The following CDYL2 variants were observed in gnomAD, a reference collection of about 807,000 sequenced individuals.
CDYL2 encodes chromodomain Y-like protein 2.
Under a neutral mutation model 49.4 loss-of-function variants are expected in CDYL2, and 23 were observed. The observed-to-expected ratio is 0.47, with a 90% CI of 0.34 to 0.66. The LOEUF is 0.66. Among genes scored for constraint, CDYL2 ranks in the 30% least tolerant of loss-of-function variants. The pLI, the probability that CDYL2 is intolerant of heterozygous loss-of-function variation, is 0.01. For missense variants in CDYL2, 678 were observed against 656.4 expected, an observed-to-expected ratio of 1.03 and a Z score of -0.36; for synonymous variants, 360 against 268.8, an observed-to-expected ratio of 1.34 and a Z score of -3.32.
rs1187490759 is a variant in CDYL2, at chr16:80,698,515, G to C, written c.25-13386C>G. ...AGCATATGTGATACGGTTTGGATCT[G>C]TGTCCTTGCCCAAATCTCATGCTGA... On this transcript the variant is annotated intron_variant, in intron 1 of 6. Coordinates refer to ENST00000570137, the MANE Select transcript of CDYL2 (RefSeq NM_152342.4). 2.6e-5 allele frequency among the ~76,000 whole-genome samples: 4 copies of C among 152,108 alleles called. No homozygotes were observed. In the East Asian group the frequency reaches 7.7e-4, roughly 29 times the overall value.
intron 3 of CDYL2, among the ~76,000 whole-genome samples, chr16:80,622,650 T>C (rs920060807): frequency 1.3e-5 from 2 of 152,138 alleles, no homozygotes; most frequent in East Asian, 1.9e-4. Context: ...AACTCCCTCA[T>C]AGCCCTTTTC....
intron 1 of CDYL2, among the ~76,000 whole-genome samples, chr16:80,724,811 G>A (rs1430997656): frequency 1.3e-5 from 2 of 152,154 alleles, no homozygotes; most frequent in Admixed American, 1.3e-4. Context: ...CTCTCACCCA[G>A]ACCTTTGTGG....
At chr16:80,727,186 C>G (rs943506023) in intron 1 of CDYL2, among the ~76,000 whole-genome samples, 1 of 152,194 alleles carries the variant, frequency 6.6e-6, no homozygotes, top group African/African-American at 2.4e-5. Context: ...TCTGAGGTAC[C>G]GGGTTCATCT....
chr16:80,780,996 C>G (rs995214838), intron 1 of CDYL2, among the ~76,000 whole-genome samples: 4 of 152,166 alleles, frequency 2.6e-5, no homozygotes, highest in African/African-American at 9.7e-5. Flanking sequence ...TATTTCATGA[C>G]CGATACTCAC....
At chr16:80,739,827 C>T (rs111951532) in intron 1 of CDYL2, among the ~76,000 whole-genome samples, 19 of 152,330 alleles carry the variant, frequency 1.2e-4, no homozygotes, top group East Asian at 7.7e-4. Flanking sequence ...AAGCCTCACA[C>T]TGGGGACCTG....
At chr16:80,639,374 CTTATAGTCACAAA>C (rs1907979787) in intron 2 of CDYL2, among the ~76,000 whole-genome samples, 1 of 152,220 alleles carries the variant, frequency 6.6e-6, no homozygotes, top group Non-Finnish European at 1.5e-5. Context: ...GATGTGAAAT[CTTATAGTCACAAA>C]ACAAAACCAA....
chr16:80,662,926 G>T (rs748871827), intron 2 of CDYL2, among the ~76,000 whole-genome samples: 39 of 151,978 alleles, frequency 2.6e-4, no homozygotes, highest in Non-Finnish European at 4.0e-4. Context: ...AGAACCAGCG[G>T]AGGCCCAGCA....
At chr16:80,727,669 G>T (rs1048507189) in intron 1 of CDYL2, among the ~76,000 whole-genome samples, 4 of 152,214 alleles carry the variant, frequency 2.6e-5, no homozygotes, top group African/African-American at 9.6e-5. Context: ...CAAAAAGACA[G>T]CAGTAACCTC....
chr16:80,789,774 G>T (rs1347557264), intron 1 of CDYL2, among the ~76,000 whole-genome samples: 1 of 152,146 alleles, frequency 6.6e-6, no homozygotes, highest in East Asian at 1.9e-4. Flanking sequence ...CATGGATAGA[G>T]CTGAAGGCCA....
chr16:80,666,034 C>T (rs747524033), intron 2 of CDYL2, among the ~76,000 whole-genome samples: 10 of 152,134 alleles, frequency 6.6e-5, no homozygotes, highest in Non-Finnish European at 1.0e-4. Flanking sequence ...CCACCTGAAG[C>T]GGAGTCTGAC....
At position 80,612,886 on chromosome 16, in the gene CDYL2, C is replaced by A. The variant is rs1425861271; in HGVS notation, c.1008-50G>T. The A allele has an allele frequency of 4.0e-6, 6 of 1,504,074 alleles. No individual in the cohort carries two copies. The allele number at this position is 1,504,074 out of a possible 1,614,324, so 93.2% of individuals were successfully genotyped here. A position where few individuals can be genotyped will look rare whatever the true frequency, so the allele number is the denominator to read the frequency against. ...GAACAGGTGACTATAGCATGCTAAG[C>A]CCCACTGGAACCCTTGACTCTCCCA... On this transcript the variant is annotated intron_variant, in intron 4 of 6. Coordinates refer to ENST00000570137, the MANE Select transcript of CDYL2 (RefSeq NM_152342.4). The surrounding 1 kb of genome is among the most constrained non-coding windows in gnomAD (Gnocchi z 5.0).
In CDYL2 at chr16:80,686,587, T is replaced by C. The variant is rs116988086; in HGVS notation, c.25-1458A>G. Among the ~76,000 whole-genome samples, 169 of 152,322 alleles carry C rather than the reference T, an allele frequency of 1.1e-3. 4 individuals are homozygous for C. In the East Asian group the frequency reaches 0.031, roughly 28 times the overall value. ...ATAATTGTTGAAAATGGGTAATGAA[T>C]ACATGGGGTAATTTATATGGATGTT... is the stretch of plus-strand genomic sequence containing the variant. On this transcript the variant is annotated intron_variant, in intron 1 of 6. Coordinates refer to ENST00000570137, the MANE Select transcript of CDYL2 (RefSeq NM_152342.4).
At chr16:80,678,194 G>A (rs182761332) in intron 2 of CDYL2, among the ~76,000 whole-genome samples, 27 of 152,306 alleles carry the variant, frequency 1.8e-4, no homozygotes, top group African/African-American at 6.5e-4. Flanking sequence ...TCAGGACATA[G>A]GCACGGGCAA....
chr16:80,776,810 A>T (rs569114384), intron 1 of CDYL2, among the ~76,000 whole-genome samples: 2 of 151,710 alleles, frequency 1.3e-5, no homozygotes, highest in Non-Finnish European at 2.9e-5. Flanking sequence ...GCATACGTAT[A>T]TATTACAAAA....
intron 1 of CDYL2, among the ~76,000 whole-genome samples, chr16:80,770,852 G>A (rs1028202698): frequency 6.6e-6 from 1 of 152,134 alleles, no homozygotes; most frequent in Non-Finnish European, 1.5e-5. Flanking sequence ...AATAGAGGAA[G>A]AGAAGAAATT....
chr16:80,771,630 A>G (rs1280382068), intron 1 of CDYL2, among the ~76,000 whole-genome samples: 1 of 152,136 alleles, frequency 6.6e-6, no homozygotes, highest in Non-Finnish European at 1.5e-5. Context: ...ACCTGAACGC[A>G]GAAAATCGCT....
chr16:80,616,066 C>A (rs572011802), intron 4 of CDYL2, among the ~76,000 whole-genome samples: 1 of 152,350 alleles, frequency 6.6e-6, no homozygotes, highest in African/African-American at 2.4e-5. Flanking sequence ...CTCTACCCGA[C>A]CCCTGTGGCT....
intron 1 of CDYL2, among the ~76,000 whole-genome samples, chr16:80,752,743 T>C (rs1006025604): frequency 1.3e-5 from 2 of 152,208 alleles, no homozygotes; most frequent in Admixed American, 1.3e-4. Flanking sequence ...GCTCTGTCAG[T>C]GTTTGCTGAT....
chr16:80,726,392 A>C (rs935727727), intron 1 of CDYL2, among the ~76,000 whole-genome samples: 33 of 152,382 alleles, frequency 2.2e-4, no homozygotes, highest in Non-Finnish European at 5.9e-5. Flanking sequence ...AATTTACTAT[A>C]ACATTTTACT....
Sources: allele counts gnomAD v4.1 joint callset (sites outside exome capture counted in the v4.1 genomes callset), GRCh38; gene constraint gnomAD v4.1.1; non-coding constraint Gnocchi (gnomAD v3.1); transcripts MANE v1.5; gene names NCBI Gene and HGNC (gene_info 2026-07-23, HGNC 2026-07-21).